PCDH7: variants seen among roughly 807,000 people sequenced by gnomAD.
The protein encoded by PCDH7 is protocadherin 7.
Under a neutral mutation model 58.9 loss-of-function variants are expected in PCDH7, and 17 were observed. That is an observed-to-expected ratio of 0.29 (90% CI 0.20 to 0.43). The LOEUF is 0.43. Among genes scored for constraint, PCDH7 ranks in the 20% least tolerant of loss-of-function variants. The pLI is 1.00. For missense variants in PCDH7, 1,274 were observed against 1,441.0 expected, an observed-to-expected ratio of 0.88 and a Z score of 1.88; for synonymous variants, 664 against 616.4, an observed-to-expected ratio of 1.08 and a Z score of -1.14.
At position 30,722,783 on chromosome 4, in the gene PCDH7, A is replaced by T. The variant is rs768250997; in HGVS notation, c.1361A>T (p.Glu454Val). ...CAGGTGTCCGACCGAGACCAAGGCGAGAACGGGGTGGTCACCTGCACCGTG... is the reference window on the plus strand; with the variant it reads ...CAGGTGTCCGACCGAGACCAAGGCGTGAACGGGGTGGTCACCTGCACCGTG... The change falls in exon 1 of 2, where the codon GAG (glutamate) becomes GTG (valine). Residue 454 changes from glutamate to valine, a missense_variant. Glu to Val is a moderately radical substitution (Grantham distance 121, BLOSUM62 -2). This residue lies in a region of PCDH7 where 731 missense variants were observed against 881.9 expected (regional missense o/e 0.83). Coordinates refer to ENST00000361762, the Ensembl canonical transcript of PCDH7. This position sits in a 1 kb window ranked among gnomAD's most constrained non-coding sequence, Gnocchi z 7.6. The T allele has an allele frequency of 6.2e-7, 1 of 1,613,622 alleles. No individual in the cohort carries two copies. Among genetic ancestry groups the T allele is most frequent in the East Asian group, 2.2e-5 (1 of 44,864 alleles).
At chr4:31,050,371 C>G (rs1349322122) in intron 3 of PCDH7, among the ~76,000 whole-genome samples, 1 of 152,076 alleles carries the variant, frequency 6.6e-6, no homozygotes, top group African/African-American at 2.4e-5. Context: ...GGGGGCAAGT[C>G]TGGAAAATAA....
intron 1 of PCDH7, among the ~76,000 whole-genome samples, chr4:30,852,828 GGAAAA>G (rs1189326082): frequency 1.2e-5 from 1 of 82,868 alleles, no homozygotes; most frequent in African/African-American, 9.1e-5. Flanking sequence ...ATCAAGCACA[GGAAAA>G]AAAAAAAAAA....
chr4:30,770,638 A>C lies in PCDH7; in HGVS notation c.70+46042A>C, dbSNP rs540154317. Among the ~76,000 whole-genome samples the C allele has an allele frequency of 8.1e-4, 123 of 152,170 alleles. 2 individuals are homozygous for C. The highest frequency in any genetic ancestry group is 1.0e-3 in the Non-Finnish European group (70 of 68,030). On this transcript the variant is annotated intron_variant, in intron 1 of 3. Transcript: ENST00000509759. ...TAGCTTAGAAGTTATAATTAAAGTT[A>C]TAATATGTGCTTCCAGATGATTATA... is the stretch of plus-strand genomic sequence containing the variant.
At chr4:31,079,977 C>A (rs1271086240) in intron 3 of PCDH7, among the ~76,000 whole-genome samples, 1 of 152,082 alleles carries the variant, frequency 6.6e-6, no homozygotes, top group African/African-American at 2.4e-5. Flanking sequence ...AGTAAACACT[C>A]AGTAAGAAGT....
chr4:30,889,650 T>G (rs1366482774), intron 1 of PCDH7, among the ~76,000 whole-genome samples: 2 of 152,152 alleles, frequency 1.3e-5, no homozygotes, highest in African/African-American at 2.4e-5. Context: ...ACTGGCAGAT[T>G]CCATGTCTGT....
intron 3 of PCDH7, among the ~76,000 whole-genome samples, chr4:31,102,715 A>T (rs1715057327): frequency 6.6e-6 from 1 of 152,068 alleles, no homozygotes; most frequent in Admixed American, 6.6e-5. Context: ...AGAAAGGTGT[A>T]TCAGGATTAT....
chr4:31,009,541 G>A (rs1330458938), intron 3 of PCDH7, among the ~76,000 whole-genome samples: 3 of 151,922 alleles, frequency 2.0e-5, no homozygotes, highest in African/African-American at 7.2e-5. Context: ...GACTTCTAAT[G>A]GGGCAAAATT....
intron 3 of PCDH7, among the ~76,000 whole-genome samples, chr4:31,006,032 T>A (rs953953018): frequency 6.6e-6 from 1 of 152,094 alleles, no homozygotes; most frequent in Admixed American, 6.5e-5. Flanking sequence ...CATATAGCTG[T>A]CAGGAGAATG....
At chr4:31,143,547 T>C (rs1479703711), downstream of PCDH7, 3 of 152,216 alleles carry the variant, frequency 2.0e-5, no homozygotes, top group Non-Finnish European at 2.9e-5. Context: ...TTCAATTCCA[T>C]ACATTCACCA....
At chr4:30,740,433 A>G (rs1716909240) in intron 1 of PCDH7, among the ~76,000 whole-genome samples, 1 of 152,216 alleles carries the variant, frequency 6.6e-6, no homozygotes, top group African/African-American at 2.4e-5. Flanking sequence ...TTTGGGAAAC[A>G]CTTCATAAAA....
At chr4:30,814,898 G>A (rs959896837) in intron 1 of PCDH7, among the ~76,000 whole-genome samples, 4 of 151,912 alleles carry the variant, frequency 2.6e-5, no homozygotes, top group Non-Finnish European at 4.4e-5. Context: ...CTCATGAATT[G>A]AGCATCTGCC....
rs182072940 is a variant in PCDH7, at chr4:30,909,204, A to G, written c.71-10949A>G. 4.3e-3 allele frequency among the ~76,000 whole-genome samples: 659 copies of G among 152,340 alleles called. 2 individuals are homozygous for G. Among genetic ancestry groups the G allele is most frequent in the Middle Eastern group, 0.014 (4 of 294 alleles). ...CTCAAAATAATAAGAACTATGTATG[A>G]CAAACCTACAGTCAATATCATACTG... On this transcript the variant is annotated intron_variant, in intron 1 of 3. Coordinates refer to the PCDH7 transcript ENST00000509759.
At chr4:30,856,612 G>A (rs2109350725) in intron 1 of PCDH7, among the ~76,000 whole-genome samples, 1 of 151,352 alleles carries the variant, frequency 6.6e-6, no homozygotes, top group East Asian at 1.9e-4. Flanking sequence ...TACGTGTATA[G>A]GCACTCTATT....
chr4:30,967,716 T>G (rs898515969), intron 3 of PCDH7, among the ~76,000 whole-genome samples: 1 of 152,110 alleles, frequency 6.6e-6, no homozygotes, highest in Non-Finnish European at 1.5e-5. Flanking sequence ...CCAAATGTTT[T>G]GAGTAGCATT....
chr4:31,130,263 T>G (rs1718814339), intron 3 of PCDH7, among the ~76,000 whole-genome samples: 1 of 151,962 alleles, frequency 6.6e-6, no homozygotes, highest in Middle Eastern at 3.4e-3. Flanking sequence ...TGTTTGTACT[T>G]TACTGAACAA....
rs185379909 is a variant in PCDH7 at position 30,890,769 on chromosome 4, A to G, written c.71-29384A>G. Among the ~76,000 whole-genome samples, 98 of 152,216 alleles carry G rather than the reference A, an allele frequency of 6.4e-4. 3 individuals carry two copies. In the East Asian group the frequency reaches 0.014, roughly 22 times the overall value. On this transcript the variant is annotated intron_variant, in intron 1 of 3. Coordinates refer to the PCDH7 transcript ENST00000509759. ...CAGCATTCTTTTGAAAATAAATCCTATTATTTCTAAGGGTATATTTAAAAC... is the reference window on the plus strand; with the variant it reads ...CAGCATTCTTTTGAAAATAAATCCTGTTATTTCTAAGGGTATATTTAAAAC...
In PCDH7 at chr4:30,765,278, A is replaced by T. The variant is rs1308034579; in HGVS notation, c.70+40682A>T. Among the ~76,000 whole-genome samples, 3 of 151,718 alleles carry T rather than the reference A, an allele frequency of 2.0e-5. No individual in the cohort carries two copies. In the East Asian group the frequency reaches 5.8e-4, roughly 30 times the overall value. On this transcript the variant is annotated intron_variant, in intron 1 of 3. Transcript: ENST00000509759. ...TAACTTAAAAATGCCCTCAAATTCC[A>T]CTTTGCCACCTAAAATCCAAGGGCA...
At chr4:30,778,691 T>G (rs1361356539) in intron 1 of PCDH7, among the ~76,000 whole-genome samples, 1 of 152,172 alleles carries the variant, frequency 6.6e-6, no homozygotes, top group Non-Finnish European at 1.5e-5. Flanking sequence ...AATGCAAAAT[T>G]TGCTATAAAT....
intron 1 of PCDH7, among the ~76,000 whole-genome samples, chr4:30,900,120 G>T (rs552886626): frequency 7.9e-4 from 120 of 151,980 alleles, no homozygotes; most frequent in Non-Finnish European, 1.1e-3. Flanking sequence ...GGATTTACTG[G>T]GTTGTCTAAC....
Sources: gnomAD v4.1 joint callset for allele counts (sites outside exome capture counted in the v4.1 genomes callset) on GRCh38, gnomAD v4.1.1 for gene constraint, gnomAD v4.1.1 regional missense constraint, Gnocchi (gnomAD v3.1) non-coding constraint, MANE v1.5 for transcripts, NCBI Gene and HGNC (gene_info 2026-07-23, HGNC 2026-07-21) for gene names.